Variants in SEC14L6 observed in about 807,000 individuals in gnomAD.
The protein encoded by SEC14L6 is SEC14-like protein 6.
Under a neutral mutation model 54.1 loss-of-function variants are expected in SEC14L6, and 40 were observed. That is an observed-to-expected ratio of 0.74 (90% CI 0.57 to 0.96). The LOEUF is 0.96. SEC14L6 is among the 40% of genes least tolerant of loss of function. The pLI, the probability that SEC14L6 is intolerant of heterozygous loss-of-function variation, is 0.00. For synonymous variants in SEC14L6, 171 were observed against 198.4 expected (o/e 0.86, Z 1.16); for missense variants, 471 against 498.3 (o/e 0.95, Z 0.52).
At chr22:30,536,138 A>C (rs1444500308) in intron 2 of SEC14L6, among the ~76,000 whole-genome samples, 1 of 152,090 alleles carries the variant, frequency 6.6e-6, no homozygotes, top group East Asian at 1.9e-4. Flanking sequence ...TTGGGATTAC[A>C]GGTGTGAGAC....
chr22:30,533,984 T>C lies in SEC14L6; in HGVS notation c.174+12A>G, dbSNP rs909647173. On this transcript the variant is annotated intron_variant, in intron 3 of 11. Coordinates refer to ENST00000402034, the MANE Select transcript of SEC14L6 (RefSeq NM_001193336.4). The stretch of plus-strand genomic sequence containing the variant: ...CAGGACCAGGCTAGGCAGGGGGAGG[T>C]GTCAACCTCACCTTCCTCAGCATGT... 1.3e-5 allele frequency: 20 copies of C among 1,549,784 alleles called. No individual in the cohort carries two copies. In the Admixed American group the frequency reaches 3.7e-4, roughly 29 times the overall value.
At chr22:30,546,277 G>A (rs186518281) in intron 1 of SEC14L6, among the ~76,000 whole-genome samples, 5 of 151,504 alleles carry the variant, frequency 3.3e-5, no homozygotes, top group Admixed American at 2.0e-4. Flanking sequence ...CAGCTACTCC[G>A]GAGGCTAGGG....
At chr22:30,533,949 G>A in intron 3 of SEC14L6, 47 bp downstream of exon 3, 2 of 1,512,868 alleles carry the variant, frequency 1.3e-6, no homozygotes, top group Non-Finnish European at 9.0e-7. Flanking sequence ...CTCAGACTTG[G>A]GATAGGAAAC....
At position 30,525,597 on chromosome 22, in the gene SEC14L6, G is replaced by A. The variant is rs781593069; in HGVS notation, c.911+14C>T. On this transcript the variant is annotated intron_variant, in intron 10 of 11. Transcript: ENST00000402034. ...CCCAGATGTGCCCAGGTGTAGAGTGGCTGCCATCCCTACCTGAGCACACAG... is the reference window on the plus strand; with the variant it reads ...CCCAGATGTGCCCAGGTGTAGAGTGACTGCCATCCCTACCTGAGCACACAG... 5.6e-6 allele frequency: 9 copies of A among 1,609,208 alleles called. No homozygotes were observed. The South Asian group carries it at 8.8e-5, about 16-fold the overall frequency.
chr22:30,526,722 C>T (rs1049710871), intron 8 of SEC14L6, among the ~76,000 whole-genome samples: 4 of 151,700 alleles, frequency 2.6e-5, no homozygotes, highest in African/African-American at 4.9e-5. Flanking sequence ...GAGTGAAACC[C>T]CATCTCATAA....
intron 8 of SEC14L6, among the ~76,000 whole-genome samples, chr22:30,527,210 C>T (rs1013994324): frequency 2.6e-5 from 4 of 151,518 alleles, no homozygotes; most frequent in Non-Finnish European, 4.4e-5. Context: ...TGTTGTCAGC[C>T]TCCATAGCAG....
chr22:30,525,852 C>T lies in SEC14L6; in HGVS notation c.745G>A (p.Asp249Asn), dbSNP rs757105620. 3.5e-5 allele frequency: 57 copies of T among 1,613,534 alleles called. No homozygotes were observed. In the East Asian group the frequency reaches 4.9e-4, roughly 14 times the overall value. The change falls in exon 9 of 12, where the codon GAT (aspartate) becomes AAT (asparagine). Residue 249 changes from aspartate to asparagine, a missense_variant. By Grantham distance (23) the Asp-to-Asn change is conservative (BLOSUM62 1). Transcript: ENST00000402034. ...TTGGTCAGGCACTTGGGGTTGCCAT[C>T]GGGGTCAGTCATGGTCCCCCCAAAC... is the stretch of plus-strand genomic sequence containing the variant. ...VEFGGTMTDP[D>N]GNPKCLTKIN... is the part of the protein sequence containing the mutation.
intron 3 of SEC14L6, chr22:30,533,206 C>G: frequency 5.2e-6 from 5 of 960,342 alleles, no homozygotes; most frequent in Non-Finnish European, 5.0e-6. Flanking sequence ...AACCTATACC[C>G]CCCTACAAGG....
chr22:30,537,440 C>T lies in SEC14L6; in HGVS notation c.130+1387G>A, dbSNP rs949544999. Among the ~76,000 whole-genome samples, 54 of 152,212 alleles carry T rather than the reference C, an allele frequency of 3.5e-4. 2 individuals are homozygous for T. The highest frequency in any genetic ancestry group is 1.7e-3 in the Admixed American group (26 of 15,286). ...GACCAGCCTGAGCAACATGGCGAAA[C>T]CCTGTCTCTGCAAAAAATATACACA... On this transcript the variant is annotated intron_variant, in intron 2 of 11. Coordinates refer to ENST00000402034, the MANE Select transcript of SEC14L6 (RefSeq NM_001193336.4).
intron 1 of SEC14L6, chr22:30,544,299 C>T (rs1289313712): frequency 9.2e-6 from 4 of 434,932 alleles, no homozygotes; most frequent in Non-Finnish European, 1.7e-5. Context: ...TGGAGGCTGA[C>T]GTTGCCAAAC....
intron 7 of SEC14L6, 52 bp downstream of exon 7, chr22:30,529,237 C>G (rs1023533672): frequency 1.9e-6 from 3 of 1,545,086 alleles, no homozygotes; most frequent in Non-Finnish European, 2.6e-6. Context: ...ACCCGGTCAC[C>G]GCACATCCCC....
rs1285096357 is a variant in SEC14L6, at chr22:30,538,796, AC to A, written c.130+30del. The A allele has an allele frequency of 2.7e-6, 4 of 1,470,014 alleles. No individual in the cohort carries two copies. The Admixed American group carries it at 7.9e-5, about 29-fold the overall frequency. The allele number at this position is 1,470,014 out of a possible 1,614,324, so 91.1% of individuals were successfully genotyped here. On this transcript the variant is annotated intron_variant, in intron 2 of 11. Transcript: ENST00000402034. The stretch of plus-strand genomic sequence containing the variant: ...AATACACTCCTCTTTCATGCCATTG[AC>A]CCTACCCCAGCCCCACGCTCTATCC...
Position 30,525,035 on chromosome 22 carries a change from G to A in SEC14L6, c.1156C>T (p.Pro386Ser). The A allele has an allele frequency of 6.5e-7, 1 of 1,549,262 alleles. No homozygotes were observed. The highest frequency in any genetic ancestry group is 8.7e-7 in the Non-Finnish European group (1 of 1,145,798). Residue 386 changes from proline (P) to serine (S), a missense_variant, in exon 12 of 12, where the codon CCA (proline) becomes TCA (serine). Physicochemically the swap from Pro to Ser is moderately conservative, Grantham distance 74. Coordinates refer to ENST00000402034, the MANE Select transcript of SEC14L6 (RefSeq NM_001193336.4). The part of the protein sequence containing the change: ...RISYTVEVLL[P>S]DQTFMEKMEK... Reference sequence around the variant, plus strand: ...ATCTTCTCCATGAAGGTTTGGTCTGGGAGCAGTACCTCCACGGTGTAGCTG... The same window carrying A: ...ATCTTCTCCATGAAGGTTTGGTCTGAGAGCAGTACCTCCACGGTGTAGCTG...
intron 8 of SEC14L6, among the ~76,000 whole-genome samples, chr22:30,527,258 A>C (rs1253247629): frequency 6.6e-6 from 1 of 152,012 alleles, no homozygotes; most frequent in Admixed American, 6.6e-5. Context: ...GAGTATTTAT[A>C]AATTAATGGC....
chr22:30,544,594 T>C (rs1407878246), intron 1 of SEC14L6, among the ~76,000 whole-genome samples: 2 of 152,124 alleles, frequency 1.3e-5, no homozygotes, highest in Non-Finnish European at 2.9e-5. Context: ...TATCCAGACC[T>C]GGTGAGGTTG....
chr22:30,538,012 G>A (rs1019167771), intron 2 of SEC14L6, among the ~76,000 whole-genome samples: 6 of 152,132 alleles, frequency 3.9e-5, no homozygotes, highest in African/African-American at 1.2e-4. Context: ...CACTGAGCAG[G>A]GCTGAGCTGT....
intron 1 of SEC14L6, among the ~76,000 whole-genome samples, chr22:30,540,896 G>A (rs2085695357): frequency 6.6e-6 from 1 of 151,856 alleles, no homozygotes; most frequent in African/African-American, 2.4e-5. Context: ...GCAGGCGCCT[G>A]TAATCAAAGC....
intron 2 of SEC14L6, 88 bp from the exon 3 acceptor site, chr22:30,534,127 G>C (rs989820044): frequency 7.8e-7 from 1 of 1,287,430 alleles, no homozygotes; most frequent in Non-Finnish European, 1.1e-6. Flanking sequence ...CCACCCTCCA[G>C]GCCAGCTTTG....
At chr22:30,543,648 C>T (rs538565781) in intron 1 of SEC14L6, 44 of 1,612,916 alleles carry the variant, frequency 2.7e-5, no homozygotes, top group South Asian at 5.5e-5. Flanking sequence ...GCTCAAATAC[C>T]GCCGCTGAGA....
Sources: gnomAD v4.1 joint callset for allele counts (sites outside exome capture counted in the v4.1 genomes callset) on GRCh38, gnomAD v4.1.1 for gene constraint, MANE v1.5 for transcripts, NCBI Gene and HGNC (gene_info 2026-07-23, HGNC 2026-07-21) for gene names.